The following SLC24A2 variants were observed in gnomAD, a reference collection of about 807,000 sequenced individuals.
The protein encoded by SLC24A2 is solute carrier family 24 member 2.
Under a neutral mutation model 62.0 loss-of-function variants are expected in SLC24A2, and 36 were observed. That is an observed-to-expected ratio of 0.58 (90% CI 0.44 to 0.77). SLC24A2 has a LOEUF of 0.77. Ranked by LOEUF, SLC24A2 falls within the 30% of genes least tolerant of loss-of-function variation. The probability of loss-of-function intolerance (pLI) is 0.00; values close to 1 mark genes in which losing one functional copy is unlikely to be tolerated. For missense variants in SLC24A2, 846 were observed against 817.9 expected (o/e 1.03, Z -0.42); for synonymous variants, 358 against 294.0 (o/e 1.22, Z -2.23).
intron 2 of SLC24A2, among the ~76,000 whole-genome samples, chr9:19,636,315 T>TTTCCTTCCTTTC (rs1554690361): frequency 1.7e-4 from 7 of 40,328 alleles, no homozygotes; most frequent in African/African-American, 8.1e-4. Flanking sequence ...TTTTCTTTTC[T>TTTCCTTCCTTTC]TTTCTTTCTT....
At chr9:19,683,320 T>A (rs767096660) in intron 2 of SLC24A2, among the ~76,000 whole-genome samples, 3 of 152,186 alleles carry the variant, frequency 2.0e-5, no homozygotes, top group Non-Finnish European at 4.4e-5. Context: ...AGAGTGCTAC[T>A]GAAGCAAAGG....
chr9:19,909,436 C>G, the SLC24A2 span, among the ~76,000 whole-genome samples: 1 of 151,882 alleles, frequency 6.6e-6, no homozygotes, highest in African/African-American at 2.4e-5. Context: ...ACATATGTAA[C>G]AAACCTGCAC....
the SLC24A2 span, among the ~76,000 whole-genome samples, chr9:20,085,854 A>T: frequency 6.6e-6 from 1 of 152,030 alleles, no homozygotes; most frequent in African/African-American, 2.4e-5. Context: ...CACTACATTA[A>T]TTTTTTTTAA....
the SLC24A2 span, among the ~76,000 whole-genome samples, chr9:20,158,929 C>T: frequency 6.6e-6 from 1 of 151,570 alleles, no homozygotes; most frequent in Non-Finnish European, 1.5e-5. Context: ...CTAGACTATC[C>T]TAGTAAAACT....
chr9:19,798,626 A>ACC, the SLC24A2 span, among the ~76,000 whole-genome samples: 56 of 150,060 alleles, frequency 3.7e-4, no homozygotes, highest in East Asian at 9.7e-4. Flanking sequence ...ACACACACAC[A>ACC]CCCCTGGAAA....
intron 2 of SLC24A2, among the ~76,000 whole-genome samples, chr9:19,675,521 C>T (rs145175496): frequency 5.3e-5 from 8 of 152,124 alleles, no homozygotes; most frequent in African/African-American, 1.7e-4. Flanking sequence ...TTTTCGGGTG[C>T]GGCTTGCTGT....
chr9:20,084,562 T>C, the SLC24A2 span, among the ~76,000 whole-genome samples: 1 of 139,666 alleles, frequency 7.2e-6, no homozygotes, highest in Admixed American at 7.2e-5. Context: ...ACATTCACCA[T>C]ATCCCACCAC....
At chr9:19,744,493 CA>C (rs1313251227) in intron 2 of SLC24A2, among the ~76,000 whole-genome samples, 6 of 152,008 alleles carry the variant, frequency 3.9e-5, no homozygotes. Context: ...GGTGAGTCAT[CA>C]AAGAAGGGAA....
intron 2 of SLC24A2, among the ~76,000 whole-genome samples, chr9:19,774,456 CA>C (rs889943808): frequency 3.9e-5 from 6 of 152,154 alleles, no homozygotes; most frequent in Non-Finnish European, 5.9e-5. Context: ...GGAAAACTAA[CA>C]GGTTCCTGGA....
the SLC24A2 span, among the ~76,000 whole-genome samples, chr9:20,241,768 G>A: frequency 6.6e-6 from 1 of 151,958 alleles, no homozygotes; most frequent in South Asian, 2.1e-4. Context: ...GGAGGTTGGG[G>A]GTGCAAGCCA....
chr9:20,062,737 A>T, the SLC24A2 span, among the ~76,000 whole-genome samples: 1 of 122,958 alleles, frequency 8.1e-6, no homozygotes, highest in Non-Finnish European at 1.6e-5. Flanking sequence ...TTCACAACCT[A>T]CTCATCTGAC....
chr9:20,129,632 T>C, the SLC24A2 span, among the ~76,000 whole-genome samples: 1 of 152,002 alleles, frequency 6.6e-6, no homozygotes, highest in Non-Finnish European at 1.5e-5. Flanking sequence ...TGCTACAACA[T>C]GGATGAACCT....
chr9:19,731,516 CGTGTGTGTGTGT>C (rs71496830), intron 2 of SLC24A2, among the ~76,000 whole-genome samples: 1 of 113,710 alleles, frequency 8.8e-6, no homozygotes, highest in Non-Finnish European at 2.1e-5. Flanking sequence ...TCTCTCTCTC[CGTGTGTGTGTGT>C]GTGTGTGTGT....
At chr9:19,880,632 A>C in the SLC24A2 span, among the ~76,000 whole-genome samples, 1 of 152,206 alleles carries the variant, frequency 6.6e-6, no homozygotes, top group African/African-American at 2.4e-5. Context: ...GTATACTTAG[A>C]AGCCAAGCTA....
At chr9:20,070,494 A>G in the SLC24A2 span, among the ~76,000 whole-genome samples, 2 of 152,200 alleles carry the variant, frequency 1.3e-5, no homozygotes, top group African/African-American at 4.8e-5. Flanking sequence ...TGAGTTTGTA[A>G]ATGAACCAAA....
At chr9:19,573,680 G>A (rs1023151130) in intron 6 of SLC24A2, among the ~76,000 whole-genome samples, 1 of 152,132 alleles carries the variant, frequency 6.6e-6, no homozygotes, top group African/African-American at 2.4e-5. Context: ...AGCCAAGCGG[G>A]AAAGGATTTT....
chr9:20,247,405 C>A, the SLC24A2 span, among the ~76,000 whole-genome samples: 4 of 152,126 alleles, frequency 2.6e-5, no homozygotes, highest in Non-Finnish European at 5.9e-5. Flanking sequence ...AAATCCTCAC[C>A]CCTAAGGTGA....
Position 19,675,745 on chromosome 9 carries a change from G to A in SLC24A2, c.931-53446C>T, listed in dbSNP as rs569875102. Among the ~76,000 whole-genome samples, 174 of 152,232 alleles carry A rather than the reference G, an allele frequency of 1.1e-3. 1 individual carries two copies. The highest frequency in any genetic ancestry group is 2.1e-3 in the Non-Finnish European group (142 of 68,028). ...CCAAGTTTATTTTCAGCCAGCCGGT[G>A]AGCAGGGCTGGAAACCTACCCCAGG... On this transcript the variant is annotated intron_variant, in intron 2 of 10. Transcript: ENST00000341998.
At chr9:20,276,554 T>A in the SLC24A2 span, among the ~76,000 whole-genome samples, 6 of 152,156 alleles carry the variant, frequency 3.9e-5, no homozygotes, top group African/African-American at 1.4e-4. Flanking sequence ...GGATCTACCA[T>A]TCTGGGGTCT....
Sources: allele counts gnomAD v4.1 joint callset (sites outside exome capture counted in the v4.1 genomes callset), GRCh38; gene constraint gnomAD v4.1.1; transcripts MANE v1.5; gene names NCBI Gene and HGNC (gene_info 2026-07-23, HGNC 2026-07-21).